Variants in ANKRD31 observed in about 807,000 individuals in gnomAD.
The protein encoded by ANKRD31 is ankyrin repeat domain-containing protein 31.
In ANKRD31, 147 loss-of-function variants were observed where a neutral mutation model predicts 186.0. The ratio of observed to expected loss-of-function variants is 0.79; its 90% CI spans 0.69 to 0.91. The LOEUF is 0.91. ANKRD31 is among the 40% of genes least tolerant of loss of function. ANKRD31 has a pLI of 0.00. For missense variants in ANKRD31, 1,986 were observed against 2,148.8 expected (o/e 0.92, Z 1.50); for synonymous variants, 673 against 736.4 (o/e 0.91, Z 1.39).
rs1192227004 is a variant in ANKRD31 at position 75,192,716 on chromosome 5, G to A, written c.1359C>T (p.Phe453=). 6.5e-7 allele frequency: 1 copy of A among 1,534,594 alleles called. No individual in the cohort carries two copies. Among genetic ancestry groups the A allele is most frequent in the Non-Finnish European group, 8.7e-7 (1 of 1,145,756 alleles). The change falls in exon 9 of 26, where the codon TTC becomes TTT. Residue 453 remains phenylalanine, a synonymous_variant. Transcript: ENST00000506364. Reference sequence around the variant, plus strand: ...TTTTCCTGATCTGTTTTCCATTCTTGAACCTTGCTGAATGCATATTCTTCT... The same window carrying A: ...TTTTCCTGATCTGTTTTCCATTCTTAAACCTTGCTGAATGCATATTCTTCT... ...GKEKNMHSAR[F]KNGKQIRKNE...
intron 17 of ANKRD31, among the ~76,000 whole-genome samples, chr5:75,132,278 T>G (rs1257111548): frequency 6.6e-6 from 1 of 152,142 alleles, no homozygotes; most frequent in Non-Finnish European, 1.5e-5. Flanking sequence ...GAAAGAAGAT[T>G]AGACGAATGG....
At chr5:75,149,028 G>A (rs2150150266) in intron 12 of ANKRD31, among the ~76,000 whole-genome samples, 1 of 151,944 alleles carries the variant, frequency 6.6e-6, no homozygotes, top group Admixed American at 6.6e-5. Context: ...TAATATGCCT[G>A]CTTAATAAGG....
At position 75,182,015 on chromosome 5, in the gene ANKRD31, G is replaced by A. The variant is rs150558691; in HGVS notation, c.1564+6478C>T. Among the ~76,000 whole-genome samples, 502 of 152,236 alleles carry A rather than the reference G, an allele frequency of 3.3e-3. 16 individuals carry two copies. The highest frequency in any genetic ancestry group is 0.029 in the Admixed American group (438 of 15,286). ...GCACCAAAATAAAGATGGATTGATG[G>A]ATGGACAGAGAGATTTCAAGATGGA... On this transcript the variant is annotated intron_variant, in intron 10 of 25. Transcript: ENST00000506364.
intron 17 of ANKRD31, among the ~76,000 whole-genome samples, chr5:75,119,526 T>A (rs146142067): frequency 6.6e-6 from 1 of 152,328 alleles, no homozygotes; most frequent in East Asian, 1.9e-4. Context: ...TGATTTAATG[T>A]CTTTGCTATT....
chr5:75,116,184 TC>T (rs1013000605), intron 19 of ANKRD31, among the ~76,000 whole-genome samples: 7 of 144,174 alleles, frequency 4.9e-5, no homozygotes, highest in Non-Finnish European at 9.0e-5. Flanking sequence ...CCGCATATTC[TC>T]ACTCATAGGT....
At position 75,236,621 on chromosome 5, in the gene ANKRD31, C is replaced by A. The variant is rs762409200; in HGVS notation, c.66G>T (p.Thr22=). 74 of 1,537,164 alleles carry A rather than the reference C, an allele frequency of 4.8e-5. No individual in the cohort carries two copies. Among genetic ancestry groups the A allele is most frequent in the Non-Finnish European group, 5.3e-5 (61 of 1,146,884 alleles). Residue 22 remains threonine (T), a synonymous_variant, in exon 1 of 26, where the codon ACG becomes ACT. Coordinates refer to ENST00000506364, the MANE Select transcript of ANKRD31 (RefSeq NM_001372053.1). The part of the protein sequence containing the change: ...SDETVIEGSV[T]ESDLEEKELP... ...GCTCCTTTTCTTCCAGGTCGCTCTC[C>A]GTCACTGAACCCTCTATCACAGTTT...
At chr5:75,110,852 A>G (rs1747723063) in intron 20 of ANKRD31, among the ~76,000 whole-genome samples, 1 of 149,026 alleles carries the variant, frequency 6.7e-6, no homozygotes, top group South Asian at 2.2e-4. Context: ...CACTGCTAGT[A>G]GCATCAGTAT....
At chr5:75,135,816 G>C (rs1373831547) in intron 17 of ANKRD31, among the ~76,000 whole-genome samples, 2 of 152,264 alleles carry the variant, frequency 1.3e-5, no homozygotes, top group East Asian at 3.9e-4. Flanking sequence ...CACCAAAACA[G>C]ATACATAGAC....
chr5:75,136,934 T>C (rs1484699912), intron 17 of ANKRD31, among the ~76,000 whole-genome samples: 4 of 151,864 alleles, frequency 2.6e-5, no homozygotes, highest in Non-Finnish European at 5.9e-5. Context: ...AAACACCACA[T>C]GTTCTCACTC....
chr5:75,227,167 C>T (rs184918112), intron 2 of ANKRD31, among the ~76,000 whole-genome samples: 5 of 152,128 alleles, frequency 3.3e-5, no homozygotes, highest in Admixed American at 6.5e-5. Flanking sequence ...GTGAAATAAG[C>T]CAGGAACAAA....
chr5:75,075,266 T>C (rs1316232169), intron 25 of ANKRD31, among the ~76,000 whole-genome samples: 1 of 152,228 alleles, frequency 6.6e-6, no homozygotes, highest in Non-Finnish European at 1.5e-5. Context: ...TTGTACATGC[T>C]CCAGGTATGG....
At chr5:75,163,250 T>A (rs1344903107) in intron 11 of ANKRD31, among the ~76,000 whole-genome samples, 1 of 152,154 alleles carries the variant, frequency 6.6e-6, no homozygotes, top group Non-Finnish European at 1.5e-5. Flanking sequence ...CACTACCCTA[T>A]GGGTATGATG....
chr5:75,196,981 A>G (rs879376065), intron 6 of ANKRD31, among the ~76,000 whole-genome samples: 11 of 151,434 alleles, frequency 7.3e-5, no homozygotes, highest in South Asian at 6.3e-4. Context: ...GCTCACTGCA[A>G]CCTCTGCCTC....
chr5:75,118,959 T>A (rs116231743), intron 17 of ANKRD31, among the ~76,000 whole-genome samples: 1 of 152,172 alleles, frequency 6.6e-6, no homozygotes, highest in African/African-American at 2.4e-5. Flanking sequence ...TGATTAGACA[T>A]AGTTGAATAA....
At chr5:75,236,217 A>C (rs1758266770) in intron 1 of ANKRD31, among the ~76,000 whole-genome samples, 1 of 152,220 alleles carries the variant, frequency 6.6e-6, no homozygotes, top group South Asian at 2.1e-4. Flanking sequence ...CCTAGAACTG[A>C]GCTACGAGTC....
chr5:75,222,982 TG>T (rs1238141424), intron 2 of ANKRD31, among the ~76,000 whole-genome samples: 1 of 152,228 alleles, frequency 6.6e-6, no homozygotes, highest in African/African-American at 2.4e-5. Flanking sequence ...CTGGGTCAAA[TG>T]GTATTTCTAG....
At position 75,144,177 on chromosome 5, in the gene ANKRD31, A is replaced by G. The variant is rs1382914931; in HGVS notation, c.3425-6T>C. ...GTTATTAGTTAATTCCTCATCTGAA[A>G]CAAACATTTTACAATATCAGTGTTG... is the stretch of plus-strand genomic sequence containing the variant. On this transcript the variant is annotated splice_region_variant and splice_polypyrimidine_tract_variant and intron_variant, in intron 14 of 25. Transcript: ENST00000506364. 3 of 396,800 alleles carry G rather than the reference A, an allele frequency of 7.6e-6. No individual in the cohort carries two copies. The highest frequency in any genetic ancestry group is 1.3e-5 in the Non-Finnish European group (3 of 224,920). 24.6% of individuals were successfully genotyped at this position (396,800 alleles called of 1,614,324 possible).
intron 10 of ANKRD31, among the ~76,000 whole-genome samples, chr5:75,183,364 G>A (rs142944073): frequency 9.9e-5 from 15 of 152,180 alleles, no homozygotes; most frequent in African/African-American, 3.1e-4. Flanking sequence ...AAAAAGACAA[G>A]AATGTCCACT....
Position 75,146,299 on chromosome 5 carries a change from T to C in ANKRD31, c.3112A>G (p.Ile1038Val), listed in dbSNP as rs1224494589. The C allele has an allele frequency of 9.1e-6, 14 of 1,536,444 alleles. No homozygotes were observed. The East Asian group carries it at 3.2e-4, about 35-fold the overall frequency. Residue 1038 changes from isoleucine (I) to valine (V), a missense_variant, in exon 14 of 26, where the codon ATT (isoleucine) becomes GTT (valine). Transcript: ENST00000506364. ...ATTAAAAAAGTTGGTGCTCTGGGAA[T>C]ATAATCCTGTGGCTTTTTGAATAGC... ...VELFKKPQDY[I>V]PRAPTFLMNQ... is the part of the protein sequence containing the mutation.
Sources: allele counts gnomAD v4.1 joint callset (sites outside exome capture counted in the v4.1 genomes callset), GRCh38; gene constraint gnomAD v4.1.1; transcripts MANE v1.5; gene names NCBI Gene and HGNC (gene_info 2026-07-23, HGNC 2026-07-21).